Variants in OPCML observed in about 807,000 individuals in gnomAD.
OPCML encodes the protein opioid-binding protein/cell adhesion molecule.
In OPCML, 13 loss-of-function variants were observed where a neutral mutation model predicts 37.8. The observed-to-expected ratio is 0.34, with a 90% CI of 0.22 to 0.55. The LOEUF is 0.55. OPCML is among the 20% of genes least tolerant of loss of function. The probability of loss-of-function intolerance (pLI) is 0.91; values close to 1 mark genes in which losing one functional copy is unlikely to be tolerated. For synonymous variants in OPCML, 176 were observed against 168.8 expected, an observed-to-expected ratio of 1.04 and a Z score of -0.33; for missense variants, 341 against 435.6, an observed-to-expected ratio of 0.78 and a Z score of 1.93.
chr11:132,734,156 CAT>C (rs1396262531), intron 2 of OPCML, among the ~76,000 whole-genome samples: 1 of 152,094 alleles, frequency 6.6e-6, no homozygotes, highest in Non-Finnish European at 1.5e-5. Context: ...ATAGGAAACA[CAT>C]ATACACACAA....
chr11:133,422,619 G>A lies in OPCML; in HGVS notation c.61+109645C>T, dbSNP rs115825110. On this transcript the variant is annotated intron_variant, in intron 1 of 7. Coordinates refer to ENST00000524381, the MANE Select transcript of OPCML (RefSeq NM_001012393.5). ...CAATCCTGCTACCGCAGCCTCCCGA[G>A]TAGTTGAGATTATGGGTGTGAACCA... The A allele has an allele frequency of 1.6e-3, 1,494 of 962,632 alleles. 16 individuals are homozygous for A. In the African/African-American group the frequency reaches 0.024, roughly 15 times the overall value. 59.6% of individuals were successfully genotyped at this position (962,632 alleles called of 1,614,324 possible).
chr11:132,620,911 T>C (rs142306953), intron 3 of OPCML, among the ~76,000 whole-genome samples: 1 of 152,112 alleles, frequency 6.6e-6, no homozygotes, highest in East Asian at 1.9e-4. Context: ...GAGCCAGAGA[T>C]TTTGGAGGCT....
At chr11:132,672,250 CG>C (rs1942509125) in intron 2 of OPCML, among the ~76,000 whole-genome samples, 1 of 152,090 alleles carries the variant, frequency 6.6e-6, no homozygotes, top group Non-Finnish European at 1.5e-5. Context: ...GTTAAGCCCT[CG>C]GGGATTGCAG....
chr11:133,021,976 G>C (rs1309316917), intron 1 of OPCML, among the ~76,000 whole-genome samples: 3 of 152,198 alleles, frequency 2.0e-5, no homozygotes, highest in Non-Finnish European at 2.9e-5. Context: ...TCAAACAGAA[G>C]GAAAGTAAAA....
At chr11:132,598,777 A>G (rs560586826) in intron 3 of OPCML, among the ~76,000 whole-genome samples, 103 of 152,258 alleles carry the variant, frequency 6.8e-4, no homozygotes, top group African/African-American at 2.4e-3. Context: ...TCTTTCTCCC[A>G]TGGTTCGGTC....
At position 133,166,294 on chromosome 11, in the gene OPCML, C is replaced by T. The variant is rs558271653; in HGVS notation, c.62-223284G>A. Among the ~76,000 whole-genome samples the T allele has an allele frequency of 7.7e-4, 117 of 152,270 alleles. 5 individuals are homozygous for T. In the South Asian group the frequency reaches 0.024, roughly 31 times the overall value. ...CTAGGTGCTAGGAGCTGTTATATGT[C>T]CCTTACATGCACTAGTTCATTTACT... is the stretch of plus-strand genomic sequence containing the variant. On this transcript the variant is annotated intron_variant, in intron 1 of 7. Transcript: ENST00000524381.
intron 1 of OPCML, among the ~76,000 whole-genome samples, chr11:133,196,446 A>G (rs1174273738): frequency 6.6e-6 from 1 of 152,196 alleles, no homozygotes; most frequent in Non-Finnish European, 1.5e-5. Flanking sequence ...TCTTTTCAAA[A>G]GTGAGAAGAC....
rs184425041 is a variant in OPCML, at chr11:133,192,419, C to T, written c.62-249409G>A. Among the ~76,000 whole-genome samples the T allele has an allele frequency of 4.4e-3, 666 of 152,242 alleles. 4 individuals are homozygous for T. The highest frequency in any genetic ancestry group is 8.4e-3 in the Admixed American group (129 of 15,300). The stretch of plus-strand genomic sequence containing the variant: ...CAGATCTAAGTTCTATGTGATTGTC[C>T]GACCAATTGCCTACTCATAGATCCA... On this transcript the variant is annotated intron_variant, in intron 1 of 7. Coordinates refer to ENST00000524381, the MANE Select transcript of OPCML (RefSeq NM_001012393.5).
At chr11:132,659,704 C>CTGTGTG (rs58318033) in intron 2 of OPCML, among the ~76,000 whole-genome samples, 7 of 147,232 alleles carry the variant, frequency 4.8e-5, no homozygotes, top group South Asian at 2.2e-4. Flanking sequence ...CACAAAATTC[C>CTGTGTG]TGTGTGTGTG....
chr11:133,015,280 G>A (rs1175356960), intron 1 of OPCML, among the ~76,000 whole-genome samples: 2 of 151,226 alleles, frequency 1.3e-5, no homozygotes, highest in Non-Finnish European at 2.9e-5. Flanking sequence ...TTCTGTGTTG[G>A]GTAGAGTGTT....
At chr11:133,005,097 C>T (rs1296176138) in intron 1 of OPCML, 2 of 985,234 alleles carry the variant, frequency 2.0e-6, no homozygotes, top group Non-Finnish European at 2.4e-6. Flanking sequence ...CATGGCTTCC[C>T]ATGAAGTTTA....
chr11:133,081,475 G>T (rs369855791), intron 1 of OPCML, among the ~76,000 whole-genome samples: 25 of 152,314 alleles, frequency 1.6e-4, no homozygotes, highest in African/African-American at 6.0e-4. Context: ...ATTCGCAAGT[G>T]GCTGAGCGAA....
intron 2 of OPCML, among the ~76,000 whole-genome samples, chr11:132,812,393 G>T (rs1236293281): frequency 6.7e-6 from 1 of 150,214 alleles, no homozygotes; most frequent in African/African-American, 2.5e-5. Context: ...CCCTACAGAG[G>T]AAGAAAATTG....
intron 3 of OPCML, among the ~76,000 whole-genome samples, chr11:132,611,138 T>G (rs1938613710): frequency 6.6e-6 from 1 of 152,214 alleles, no homozygotes; most frequent in Non-Finnish European, 1.5e-5. Context: ...GTATAAAGTT[T>G]GAAGCTGGCC....
intron 4 of OPCML, among the ~76,000 whole-genome samples, chr11:132,445,309 G>T (rs1037852698): frequency 1.3e-5 from 2 of 152,184 alleles, no homozygotes. Flanking sequence ...TGAGAATGAT[G>T]GAAGTGTTTA....
At chr11:133,276,026 G>A (rs749215828) in intron 1 of OPCML, among the ~76,000 whole-genome samples, 13 of 152,086 alleles carry the variant, frequency 8.5e-5, no homozygotes, top group Non-Finnish European at 1.5e-4. Context: ...AAAATGAATC[G>A]TGGCCAGAGA....
At chr11:132,803,018 C>T (rs1212643785) in intron 2 of OPCML, among the ~76,000 whole-genome samples, 2 of 152,148 alleles carry the variant, frequency 1.3e-5, no homozygotes, top group African/African-American at 4.8e-5. Flanking sequence ...AGGTCTTTAA[C>T]AAGCTCCCAC....
rs541844060 is a variant in OPCML at position 132,748,535 on chromosome 11, G to A, written c.147-91216C>T. Among the ~76,000 whole-genome samples the A allele has an allele frequency of 2.0e-5, 3 of 152,294 alleles. No individual in the cohort carries two copies. In the South Asian group the frequency reaches 6.2e-4, roughly 32 times the overall value. The stretch of plus-strand genomic sequence containing the variant: ...GTAGGAAAATAGAATAGAGAGTGAA[G>A]CAAGGAGCCTGAGTGTGGCCTGTGC... On this transcript the variant is annotated intron_variant, in intron 2 of 7. Transcript: ENST00000524381.
intron 2 of OPCML, among the ~76,000 whole-genome samples, chr11:132,694,646 A>G (rs1235044047): frequency 2.6e-5 from 4 of 152,176 alleles, no homozygotes; most frequent in Non-Finnish European, 5.9e-5. Flanking sequence ...CTTTCTTCTA[A>G]GAGAACCTCA....
Sources: allele counts gnomAD v4.1 joint callset (sites outside exome capture counted in the v4.1 genomes callset), GRCh38; gene constraint gnomAD v4.1.1; transcripts MANE v1.5; gene names NCBI Gene and HGNC (gene_info 2026-07-23, HGNC 2026-07-21).